MALRD1: variants seen among roughly 807,000 people sequenced by gnomAD.
The protein encoded by MALRD1 is MAM and LDL receptor class A domain containing 1.
MALRD1 carries 247 observed loss-of-function variants against 242.1 expected under a neutral mutation model. The ratio of observed to expected loss-of-function variants is 1.02; its 90% CI spans 0.92 to 1.13. The LOEUF (loss-of-function observed/expected upper bound fraction) is 1.13, where lower values mean the gene tolerates loss of function less well. Among genes scored for constraint, MALRD1 ranks in the 50% most tolerant of loss-of-function variants. MALRD1 has a pLI of 0.00. For missense variants in MALRD1, 2,989 were observed against 2,533.1 expected, an observed-to-expected ratio of 1.18 and a Z score of -3.86; for synonymous variants, 995 against 866.6, an observed-to-expected ratio of 1.15 and a Z score of -2.60.
intron 21 of MALRD1, among the ~76,000 whole-genome samples, chr10:19,299,055 G>C (rs1297866494): frequency 6.6e-6 from 1 of 151,708 alleles, no homozygotes; most frequent in African/African-American, 2.4e-5. Flanking sequence ...CAAAAGAGAT[G>C]TCTACAACCG....
chr10:19,305,593 G>A (rs908595539), intron 21 of MALRD1, among the ~76,000 whole-genome samples: 1 of 150,824 alleles, frequency 6.6e-6, no homozygotes, highest in Non-Finnish European at 1.5e-5. Context: ...CTTGACTGAT[G>A]ATCTTTCATT....
chr10:19,450,451 G>A lies in MALRD1; in HGVS notation c.4990G>A (p.Ala1664Thr). 6.5e-7 allele frequency: 1 copy of A among 1,550,212 alleles called. No homozygotes were observed. Among genetic ancestry groups the A allele is most frequent in the Non-Finnish European group, 8.7e-7 (1 of 1,146,850 alleles). The change falls in exon 29 of 40, where the codon GCT becomes ACT. Residue 1664 changes from alanine to threonine, a missense_variant. Ala to Thr is a moderately conservative substitution (Grantham distance 58, BLOSUM62 0). Coordinates refer to ENST00000454679, the MANE Select transcript of MALRD1 (RefSeq NM_001142308.3). ...CAGAACAAGGGACCTGGGAGGAGGA[G>A]CTGCAATTGATGATATTGAATTTAA... ...GIRTRDLGGG[A>T]AIDDIEFKNC...
intron 29 of MALRD1, among the ~76,000 whole-genome samples, chr10:19,467,207 T>C (rs1429742281): frequency 2.6e-5 from 3 of 113,994 alleles, no homozygotes; most frequent in African/African-American, 9.5e-5. Flanking sequence ...ACAAAAAAAT[T>C]AGCCGGGTGT....
At position 19,219,176 on chromosome 10, in the gene MALRD1, G is replaced by A. The variant is rs145619935; in HGVS notation, c.2991+9496G>A. ...ATTTTCATGGTGCTGAAAAATTAAG[G>A]TATAATGGTCTCATGAAGGAGAATA... is the stretch of plus-strand genomic sequence containing the variant. On this transcript the variant is annotated intron_variant, in intron 18 of 39. Transcript: ENST00000454679. 2.8e-3 allele frequency among the ~76,000 whole-genome samples: 419 copies of A among 152,078 alleles called. 3 individuals carry two copies. The highest frequency in any genetic ancestry group is 9.7e-3 in the African/African-American group (402 of 41,500).
At chr10:19,537,026 C>A (rs982108366) in intron 32 of MALRD1, among the ~76,000 whole-genome samples, 1 of 152,042 alleles carries the variant, frequency 6.6e-6, no homozygotes, top group Non-Finnish European at 1.5e-5. Flanking sequence ...GCAGAGGTTG[C>A]AAGTTAATGA....
At chr10:19,146,828 T>C (rs1221770332) in intron 11 of MALRD1, among the ~76,000 whole-genome samples, 1 of 152,198 alleles carries the variant, frequency 6.6e-6, no homozygotes, top group Non-Finnish European at 1.5e-5. Context: ...CACATATATA[T>C]TTTTAACCAT....
chr10:19,519,682 T>G (rs1157415241), intron 31 of MALRD1, among the ~76,000 whole-genome samples: 1 of 152,060 alleles, frequency 6.6e-6, no homozygotes, highest in Admixed American at 6.6e-5. Flanking sequence ...GAAGATTGCT[T>G]GAGCACAGGA....
rs1197670439 is a variant in MALRD1 at position 19,065,287 on chromosome 10, C to CAAAAAAAAAAAA, written c.200-1421_200-1410dup. Among the ~76,000 whole-genome samples, 173 of 50,604 alleles carry CAAAAAAAAAAAA rather than the reference C, an allele frequency of 3.4e-3. 5 individuals are homozygous for CAAAAAAAAAAAA. The highest frequency in any genetic ancestry group is 0.017 in the East Asian group (18 of 1,082). 33.2% of individuals were successfully genotyped at this position (50,604 alleles called of 152,430 possible). ...GGGCAACAAGAGCAAAACGCTGTCT[C>CAAAAAAAAAAAA]AAAAAAAAAAAAAAAAAAAAAAGGA... On this transcript the variant is annotated intron_variant, in intron 1 of 39. Transcript: ENST00000454679.
intron 21 of MALRD1, among the ~76,000 whole-genome samples, chr10:19,318,128 G>A (rs192952079): frequency 5.4e-4 from 82 of 152,164 alleles, no homozygotes; most frequent in Non-Finnish European, 1.0e-3. Flanking sequence ...CAGGAGAGGA[G>A]CTGATTTCCT....
At chr10:19,105,024 TA>T (rs1836414718) in intron 5 of MALRD1, among the ~76,000 whole-genome samples, 1 of 152,090 alleles carries the variant, frequency 6.6e-6, no homozygotes, top group Non-Finnish European at 1.5e-5. Context: ...CTCTTTGTAG[TA>T]AGAACATTTG....
intron 17 of MALRD1, among the ~76,000 whole-genome samples, chr10:19,207,622 T>C (rs1836843182): frequency 6.6e-6 from 1 of 152,132 alleles, no homozygotes; most frequent in Non-Finnish European, 1.5e-5. Context: ...TGCCTCAGCC[T>C]CCTGAGTAGC....
At chr10:19,425,195 C>G (rs549044100) in intron 28 of MALRD1, among the ~76,000 whole-genome samples, 3 of 152,144 alleles carry the variant, frequency 2.0e-5, no homozygotes, top group African/African-American at 7.2e-5. Flanking sequence ...GAAGTAAACC[C>G]AAGCCCTTTT....
intron 34 of MALRD1, among the ~76,000 whole-genome samples, chr10:19,598,872 G>C (rs1838227391): frequency 6.6e-6 from 1 of 152,054 alleles, no homozygotes; most frequent in South Asian, 2.1e-4. Flanking sequence ...ACATAGCGGG[G>C]TCACAAGAGA....
chr10:19,672,936 A>T (rs1228068895), intron 36 of MALRD1, among the ~76,000 whole-genome samples: 6 of 152,166 alleles, frequency 3.9e-5, no homozygotes, highest in African/African-American at 1.4e-4. Context: ...TAACATGAGG[A>T]TTATTTATTC....
intron 21 of MALRD1, among the ~76,000 whole-genome samples, chr10:19,308,225 C>T (rs1842299825): frequency 6.6e-6 from 1 of 151,376 alleles, no homozygotes; most frequent in South Asian, 2.1e-4. Context: ...TTCTATTCTG[C>T]ATGTCTGTGT....
chr10:19,145,073 G>A (rs1006393582), intron 10 of MALRD1, among the ~76,000 whole-genome samples: 15 of 152,140 alleles, frequency 9.9e-5, no homozygotes, highest in Non-Finnish European at 2.2e-4. Context: ...ATTCCCAAAA[G>A]TACTAAGATA....
At chr10:19,212,671 T>C (rs557803549) in intron 18 of MALRD1, among the ~76,000 whole-genome samples, 10 of 119,810 alleles carry the variant, frequency 8.3e-5, no homozygotes, top group African/African-American at 3.3e-4. Context: ...ACTCTTAAAC[T>C]GTTTTTCAAA....
In MALRD1 at chr10:19,727,023, G is replaced by A. The variant is rs548683404; in HGVS notation, c.6315-3683G>A. Among the ~76,000 whole-genome samples, 40 of 152,294 alleles carry A rather than the reference G, an allele frequency of 2.6e-4. 1 individual carries two copies. In the South Asian group the frequency reaches 8.1e-3, roughly 31 times the overall value. Reference sequence around the variant, plus strand: ...CATTTTGGAAATAGTGGTAATGGTAGCACAACACTGTGAGTGGAATTAATG... The same window carrying A: ...CATTTTGGAAATAGTGGTAATGGTAACACAACACTGTGAGTGGAATTAATG... On this transcript the variant is annotated intron_variant, in intron 38 of 39. Coordinates refer to ENST00000454679, the MANE Select transcript of MALRD1 (RefSeq NM_001142308.3).
chr10:19,238,349 T>C (rs1424053682), intron 18 of MALRD1, among the ~76,000 whole-genome samples: 1 of 94,632 alleles, frequency 1.1e-5, no homozygotes, highest in Non-Finnish European at 1.9e-5. Context: ...ATATTATACA[T>C]AATATATAAT....
Sources: gnomAD v4.1 joint callset for allele counts (sites outside exome capture counted in the v4.1 genomes callset) on GRCh38, gnomAD v4.1.1 for gene constraint, MANE v1.5 for transcripts, NCBI Gene and HGNC (gene_info 2026-07-23, HGNC 2026-07-21) for gene names.